The following RAPH1 variants were observed in gnomAD, a reference collection of about 807,000 sequenced individuals.
RAPH1 encodes Ras association (RalGDS/AF-6) and pleckstrin homology domains 1.
In RAPH1, 18 loss-of-function variants were observed where a neutral mutation model predicts 88.1. The observed-to-expected ratio is 0.20, with a 90% CI of 0.14 to 0.30. The LOEUF is 0.30. RAPH1 is among the 10% of genes least tolerant of loss of function. The probability of loss-of-function intolerance (pLI) is 1.00; values close to 1 mark genes in which losing one functional copy is unlikely to be tolerated. For missense variants in RAPH1, 1,448 were observed against 1,543.2 expected (o/e 0.94, Z 1.03); for synonymous variants, 587 against 559.0 (o/e 1.05, Z -0.71).
At chr2:203,532,859 C>A (rs1313279774) in intron 1 of RAPH1, among the ~76,000 whole-genome samples, 1 of 152,154 alleles carries the variant, frequency 6.6e-6, no homozygotes, top group African/African-American at 2.4e-5. Context: ...CATCTTGCTT[C>A]ACTAATATTA....
chr2:203,525,248 C>A (rs894557438), intron 1 of RAPH1, among the ~76,000 whole-genome samples: 22 of 152,168 alleles, frequency 1.4e-4, no homozygotes, highest in Admixed American at 9.2e-4. Flanking sequence ...TGCAATGGCA[C>A]AATCTTGGCT....
In RAPH1 at chr2:203,437,290, T is replaced by C. The variant is rs1248404575; in HGVS notation, c.*2147A>G. 2.6e-5 allele frequency: 4 copies of C among 152,080 alleles called. No individual in the cohort carries two copies. The highest frequency in any genetic ancestry group is 9.7e-5 in the African/African-American group (4 of 41,400). 9.4% of individuals were successfully genotyped at this position (152,080 alleles called of 1,614,324 possible). Reference sequence around the variant, plus strand: ...TGTTGTCTACCTTCTCATGAGAAAATCACCACCACAATAAAACTCAAAACC... The same window carrying C: ...TGTTGTCTACCTTCTCATGAGAAAACCACCACCACAATAAAACTCAAAACC... On this transcript the variant is annotated 3_prime_UTR_variant, in exon 14 of 14. Coordinates refer to ENST00000319170, the MANE Select transcript of RAPH1 (RefSeq NM_213589.3).
At chr2:203,518,267 G>A (rs981508650) in intron 1 of RAPH1, among the ~76,000 whole-genome samples, 94 of 152,108 alleles carry the variant, frequency 6.2e-4, no homozygotes, top group Admixed American at 5.7e-3. Flanking sequence ...TGTAGTCCCA[G>A]CACTTTGAAA....
rs539140825 is a variant in RAPH1, at chr2:203,441,597, G to A, written c.1777-184C>T. 616 of 1,344,792 alleles carry A rather than the reference G, an allele frequency of 4.6e-4. 4 individuals carry two copies. The South Asian group carries it at 6.0e-3, about 13-fold the overall frequency. The allele number at this position is 1,344,792 out of a possible 1,614,324, so 83.3% of individuals were successfully genotyped here. A position where few individuals can be genotyped will look rare whatever the true frequency, so the allele number is the denominator to read the frequency against. ...CAGGAAGGCTAAAATCTGATTGTGC[G>A]GGCAAGAAGGAAACAGAAAACTTGT... On this transcript the variant is annotated intron_variant, in intron 13 of 13. Transcript: ENST00000319170.
intron 4 of RAPH1, chr2:203,477,010 A>T: frequency 9.0e-7 from 1 of 1,110,208 alleles, no homozygotes; most frequent in African/African-American, 1.6e-5. Flanking sequence ...AGGTTTCATC[A>T]TTTGGAGGTC....
Position 203,459,954 on chromosome 2 carries a change from T to C in RAPH1, c.1045A>G (p.Ile349Val). Residue 349 changes from isoleucine (I) to valine (V), a missense_variant, in exon 7 of 14, where the codon ATA becomes GTA. This residue lies in a region of RAPH1 where 513 missense variants were observed against 653.1 expected (regional missense o/e 0.79). Coordinates refer to ENST00000319170, the MANE Select transcript of RAPH1 (RefSeq NM_213589.3). ...NWTRDSQNKL[I>V]FMERIEKYAL... ...TATTTTTCTATACGCTCCATAAATA[T>C]AAGCTTGTTTTGGCTATCTCTTGTC... 1 of 1,613,028 alleles carries C rather than the reference T, an allele frequency of 6.2e-7. No homozygotes were observed. Among genetic ancestry groups the C allele is most frequent in the Non-Finnish European group, 8.5e-7 (1 of 1,179,152 alleles).
intron 2 of RAPH1, 166 bp downstream of exon 2, chr2:203,495,068 A>C: frequency 3.2e-6 from 2 of 628,164 alleles, no homozygotes; most frequent in South Asian, 3.1e-5. Context: ...GATTCTTAAT[A>C]TCTTCTGTTC....
In RAPH1 at chr2:203,535,269, AC is replaced by A. The variant is rs1690570270; in HGVS notation, c.-160del. On this transcript the variant is annotated 5_prime_UTR_variant, in exon 1 of 14. Transcript: ENST00000319170. ...GCGCCGCGCGCTCAGTGACTGACTGACTGACTGACTGACTGACTGACTGACT... is the reference window on the plus strand; with the variant it reads ...GCGCCGCGCGCTCAGTGACTGACTGATGACTGACTGACTGACTGACTGACT... 6.7e-6 allele frequency: 1 copy of A among 148,154 alleles called. No homozygotes were observed. The highest frequency in any genetic ancestry group is 2.5e-5 in the African/African-American group (1 of 39,968). 9.2% of individuals were successfully genotyped at this position (148,154 alleles called of 1,614,324 possible).
chr2:203,447,933 T>C (rs1335989322), intron 12 of RAPH1, 26 bp downstream of exon 12: 1 of 1,613,092 alleles, frequency 6.2e-7, no homozygotes, highest in Non-Finnish European at 8.5e-7. Flanking sequence ...AATCGCAAAA[T>C]AGTGCTTTGA....
intron 12 of RAPH1, 97 bp downstream of exon 12, chr2:203,447,862 T>G: frequency 7.6e-7 from 1 of 1,324,228 alleles, no homozygotes; most frequent in Non-Finnish European, 1.0e-6. Flanking sequence ...TGGCTCCGGT[T>G]TTTAAGAATC....
At chr2:203,471,814 T>C (rs55844628) in intron 4 of RAPH1, among the ~76,000 whole-genome samples, 97,950 of 148,776 alleles carry the variant, frequency 0.66, 32,490 homozygotes, top group Middle Eastern at 0.81. Context: ...TCACCCATTC[T>C]TTAAAAAAAA....
chr2:203,503,402 C>T (rs1688833357), intron 1 of RAPH1, among the ~76,000 whole-genome samples: 1 of 152,070 alleles, frequency 6.6e-6, no homozygotes. Context: ...AGTGGCAAGA[C>T]AAAATGTGAA....
At chr2:203,453,114 C>T (rs975169313) in intron 10 of RAPH1, among the ~76,000 whole-genome samples, 3 of 152,182 alleles carry the variant, frequency 2.0e-5, no homozygotes, top group African/African-American at 4.8e-5. Flanking sequence ...TAGGGACTGA[C>T]TCTCAGGAGA....
chr2:203,438,089 A>C lies in RAPH1; in HGVS notation c.*1348T>G, dbSNP rs375782237. ...TTATACCAAACTGCACACGCATAAAACGTAATGTCAGTTACTGGACTTGGA... is the reference window on the plus strand; with the variant it reads ...TTATACCAAACTGCACACGCATAAACCGTAATGTCAGTTACTGGACTTGGA... On this transcript the variant is annotated 3_prime_UTR_variant, in exon 14 of 14. Coordinates refer to ENST00000319170, the MANE Select transcript of RAPH1 (RefSeq NM_213589.3). The C allele has an allele frequency of 1.4e-5, 7 of 514,778 alleles. No homozygotes were observed. Among genetic ancestry groups the C allele is most frequent in the Non-Finnish European group, 2.7e-5 (7 of 258,222 alleles). 31.9% of individuals were successfully genotyped at this position (514,778 alleles called of 1,614,324 possible).
chr2:203,513,563 C>T (rs1042210033), intron 1 of RAPH1, among the ~76,000 whole-genome samples: 7 of 147,312 alleles, frequency 4.8e-5, no homozygotes, highest in African/African-American at 1.3e-4. Flanking sequence ...AGGCCAGGCG[C>T]GGTGGCTCAC....
intron 9 of RAPH1, 116 bp downstream of exon 9, chr2:203,455,321 T>C: frequency 1.1e-6 from 1 of 938,332 alleles, no homozygotes; most frequent in Non-Finnish European, 1.6e-6. Flanking sequence ...CAATATTCTA[T>C]GTCTTCCACG....
Position 203,506,883 on chromosome 2 carries a change from T to TAG in RAPH1, c.1-11531_1-11530insCT, listed in dbSNP as rs1559495065. On this transcript the variant is annotated intron_variant, in intron 1 of 13. Coordinates refer to ENST00000319170, the MANE Select transcript of RAPH1 (RefSeq NM_213589.3). ...ATATATATATATATATATATATAGA[T>TAG]ATATATATATATATATTTTTTTTTT... Among the ~76,000 whole-genome samples, 31 of 104,824 alleles carry TAG rather than the reference T, an allele frequency of 3.0e-4. 2 individuals are homozygous for TAG. Among genetic ancestry groups the TAG allele is most frequent in the African/African-American group, 8.3e-4 (17 of 20,576 alleles). 68.8% of individuals were successfully genotyped at this position (104,824 alleles called of 152,430 possible). A position where few individuals can be genotyped will look rare whatever the true frequency, so the allele number is the denominator to read the frequency against.
At position 203,440,331 on chromosome 2, in the gene RAPH1, A is replaced by G. The variant is rs752189273; in HGVS notation, c.2859T>C (p.Ser953=). ...PPTASPTPDK[S]GSPGKKTSKT... ...TACTGGTCTTTTTGCCTGGAGATCC[A>G]CTTTTGTCAGGGGTAGGAGAAGCTG... The change falls in exon 14 of 14, where the codon AGT becomes AGC. Residue 953 remains serine, a synonymous_variant. Transcript: ENST00000319170. 6 of 1,611,256 alleles carry G rather than the reference A, an allele frequency of 3.7e-6. No individual in the cohort carries two copies. In the Admixed American group the frequency reaches 8.4e-5, roughly 22 times the overall value.
chr2:203,447,922 T>C (rs2098511425), intron 12 of RAPH1, 37 bp downstream of exon 12: 16 of 1,611,466 alleles, frequency 9.9e-6, no homozygotes, highest in Non-Finnish European at 1.2e-5. Flanking sequence ...ACCTTCATAT[T>C]AATCGCAAAA....
Sources: allele counts gnomAD v4.1 joint callset (sites outside exome capture counted in the v4.1 genomes callset), GRCh38; gene constraint gnomAD v4.1.1; regional missense constraint gnomAD v4.1.1; transcripts MANE v1.5; gene names NCBI Gene and HGNC (gene_info 2026-07-23, HGNC 2026-07-21).